The following TPRA1 variants were observed in gnomAD, a reference collection of about 807,000 sequenced individuals.
TPRA1 encodes transmembrane protein adipocyte-associated 1.
In TPRA1, 28 loss-of-function variants were observed where a neutral mutation model predicts 40.1. The observed-to-expected ratio is 0.70, with a 90% CI of 0.52 to 0.96. The LOEUF is 0.96. TPRA1 is among the 40% of genes least tolerant of loss of function. TPRA1 has a pLI of 0.00. For missense variants in TPRA1, 441 were observed against 482.6 expected (o/e 0.91, Z 0.81); for synonymous variants, 219 against 209.7 (o/e 1.04, Z -0.38).
intron 3 of TPRA1, 119 bp from the exon 4 acceptor site, chr3:127,577,195 G>T: frequency 9.7e-7 from 1 of 1,027,472 alleles, no homozygotes; most frequent in South Asian, 1.4e-5. Context: ...AAAGGAGGAA[G>T]GCGCAAAGTC....
Position 127,575,383 on chromosome 3 carries a change from A to T in TPRA1, c.773+20T>A, listed in dbSNP as rs1369019770. ...CTTCCCATGCCCCCACGAGGCAGACACCCTGCGGCCCCCACGCACCAGAGC... is the reference window on the plus strand; with the variant it reads ...CTTCCCATGCCCCCACGAGGCAGACTCCCTGCGGCCCCCACGCACCAGAGC... On this transcript the variant is annotated intron_variant, in intron 9 of 10. Transcript: ENST00000355552. The T allele has an allele frequency of 2.5e-6, 4 of 1,571,364 alleles. No individual in the cohort carries two copies. The Admixed American group carries it at 7.6e-5, about 30-fold the overall frequency.
intron 10 of TPRA1, 22 bp downstream of exon 10, chr3:127,575,143 CCGCCGGCAGCCACGCGGGGG>C (rs759616868): frequency 4.7e-5 from 76 of 1,601,110 alleles, no homozygotes; most frequent in Middle Eastern, 1.7e-4. Context: ...AGGCGCAGTT[CCGCCGGCAGCCACGCGGGGG>C]CGCCGGCGGC....
At chr3:127,593,762 C>T (rs60212923), upstream of TPRA1, among the ~76,000 whole-genome samples, 132 of 152,306 alleles carry the variant, frequency 8.7e-4, no homozygotes, top group African/African-American at 3.1e-3. Flanking sequence ...CAAGTGGTAG[C>T]CCTGACCACA....
At position 127,576,840 on chromosome 3, in the gene TPRA1, G is replaced by T; in HGVS notation, c.399C>A (p.Ile133=). 5.0e-6 allele frequency: 8 copies of T among 1,613,886 alleles called. No individual in the cohort carries two copies. The highest frequency in any genetic ancestry group is 6.8e-6 in the Non-Finnish European group (8 of 1,180,026). ...ACACACCAAAGGCCAGGCCCAGGATGATCACACTCAGCTCGATGGCCAGCA... is the reference window on the plus strand; with the variant it reads ...ACACACCAAAGGCCAGGCCCAGGATTATCACACTCAGCTCGATGGCCAGCA... The part of the protein sequence containing the change: ...FFLLAIELSV[I]ILGLAFGHLE... Residue 133 remains isoleucine (I), a synonymous_variant, in exon 5 of 11, where the codon ATC becomes ATA. Transcript: ENST00000355552. The surrounding 1 kb of genome is among the most constrained non-coding windows in gnomAD (Gnocchi z 4.6).
At chr3:127,579,003 G>A (rs1265835873) in intron 3 of TPRA1, among the ~76,000 whole-genome samples, 1 of 149,746 alleles carries the variant, frequency 6.7e-6, no homozygotes, top group Non-Finnish European at 1.5e-5. Flanking sequence ...CACACCCGAA[G>A]CCCACACCTG....
Position 127,580,013 on chromosome 3 carries a change from C to A in TPRA1, c.125+9G>T. ...TCAGCGAGCCTGCCCAGCGTTGTGA[C>A]TGCCTCACCTGGAGGTGCCAATGTC... On this transcript the variant is annotated intron_variant, in intron 2 of 10. Coordinates refer to ENST00000355552, the MANE Select transcript of TPRA1 (RefSeq NM_001136053.4). 6.2e-7 allele frequency: 1 copy of A among 1,613,336 alleles called. No homozygotes were observed. The highest frequency in any genetic ancestry group is 8.5e-7 in the Non-Finnish European group (1 of 1,180,004).
rs1163649259 is a variant in TPRA1, at chr3:127,573,585, A to C, written c.1058T>G (p.Met353Arg). Reference sequence around the variant, plus strand: ...GTTGATGCTGCCAGTGTGGCAGGGCATGGAAGCGATGTCATCCAGGTAGGC... The same window carrying C: ...GTTGATGCTGCCAGTGTGGCAGGGCCTGGAAGCGATGTCATCCAGGTAGGC... Reference protein sequence around the residue: ...GVAYLDDIASMPCHTGSINST... With the variant: ...GVAYLDDIASRPCHTGSINST... The change falls in exon 11 of 11, where the codon ATG (methionine) becomes AGG (arginine). Residue 353 changes from methionine (M) to arginine (R), a missense_variant. Transcript: ENST00000355552. 1 of 1,613,020 alleles carries C rather than the reference A, an allele frequency of 6.2e-7. No homozygotes were observed. The highest frequency in any genetic ancestry group is 8.5e-7 in the Non-Finnish European group (1 of 1,180,004).
intron 1 of TPRA1, among the ~76,000 whole-genome samples, chr3:127,586,851 G>A (rs1285118671): frequency 6.6e-6 from 1 of 152,208 alleles, no homozygotes; most frequent in East Asian, 1.9e-4. Context: ...GGGAGGAACA[G>A]GGGCAGGGAG....
chr3:127,587,211 T>C (rs1436228505), intron 1 of TPRA1: 2 of 152,168 alleles, frequency 1.3e-5, no homozygotes, highest in Non-Finnish European at 2.9e-5. Context: ...CACTCTCTGC[T>C]GAGCTCAGTA....
At chr3:127,591,309 C>G (rs2074165424), upstream of TPRA1, among the ~76,000 whole-genome samples, 1 of 152,236 alleles carries the variant, frequency 6.6e-6, no homozygotes, top group Non-Finnish European at 1.5e-5. Context: ...CTTAGCAACC[C>G]TGCTAGGCAG....
intron 1 of TPRA1, among the ~76,000 whole-genome samples, chr3:127,584,418 C>T (rs1304186252): frequency 8.5e-6 from 1 of 118,144 alleles, no homozygotes; most frequent in Non-Finnish European, 1.6e-5. Flanking sequence ...CACTGCACTC[C>T]AGGCTGGGCC....
intron 1 of TPRA1, among the ~76,000 whole-genome samples, chr3:127,580,675 T>A (rs1211914833): frequency 6.6e-6 from 1 of 152,250 alleles, no homozygotes; most frequent in Non-Finnish European, 1.5e-5. Context: ...TGCCACACCA[T>A]GCAGAACTCA....
intron 10 of TPRA1, chr3:127,574,895 T>C: frequency 2.1e-6 from 1 of 482,862 alleles, no homozygotes; most frequent in Non-Finnish European, 3.8e-6. Context: ...TGTGTGCATA[T>C]GCCCGTGTGT....
In TPRA1 at chr3:127,575,202, G is replaced by A; in HGVS notation, c.837C>T (p.Phe279=). 1 of 1,614,006 alleles carries A rather than the reference G, an allele frequency of 6.2e-7. No homozygotes were observed. The highest frequency in any genetic ancestry group is 8.5e-7 in the Non-Finnish European group (1 of 1,179,996). The stretch of plus-strand genomic sequence containing the variant: ...AGACTCACCCGAAGAAGCCCCGGAG[G>A]AAAGCCACGTAGATGAGCGGAGCGA... ...SFFAPLIYVA[F]LRGFFGSEPK... is the part of the protein sequence containing the mutation. The change falls in exon 10 of 11, where the codon TTC becomes TTT. Residue 279 remains phenylalanine, a synonymous_variant. Coordinates refer to ENST00000355552, the MANE Select transcript of TPRA1 (RefSeq NM_001136053.4).
In TPRA1 at chr3:127,573,155, G is replaced by A. The variant is rs2073427637; in HGVS notation, c.*366C>T. ...CCACCATGGTGGATGCTTTGAGGAG[G>A]CCAAAGCACCATGGGGATGGGATGG... On this transcript the variant is annotated 3_prime_UTR_variant, in exon 11 of 11. Coordinates refer to ENST00000355552, the MANE Select transcript of TPRA1 (RefSeq NM_001136053.4). 1 of 207,006 alleles carries A rather than the reference G, an allele frequency of 4.8e-6. No individual in the cohort carries two copies. The highest frequency in any genetic ancestry group is 9.7e-6 in the Non-Finnish European group (1 of 103,214). 12.8% of individuals were successfully genotyped at this position (207,006 alleles called of 1,614,324 possible).
At chr3:127,579,692 G>C (rs1321787882) in intron 3 of TPRA1, 48 bp downstream of exon 3, 2 of 1,597,188 alleles carry the variant, frequency 1.3e-6, no homozygotes, top group South Asian at 2.2e-5. Context: ...TTCCCTTTTT[G>C]TTTAACCCAG....
chr3:127,582,701 CAAA>C (rs1404690468), intron 1 of TPRA1, among the ~76,000 whole-genome samples: 9 of 76,164 alleles, frequency 1.2e-4, no homozygotes, highest in Non-Finnish European at 1.4e-4. Flanking sequence ...GACTCTGTCT[CAAA>C]AAAAAAAAAA....
intron 3 of TPRA1, 59 bp downstream of exon 3, chr3:127,579,681 A>C (rs2073760871): frequency 1.3e-6 from 2 of 1,580,146 alleles, no homozygotes; most frequent in Non-Finnish European, 1.7e-6. Context: ...GAAGCAGTTA[A>C]TTCCCTTTTT....
rs1193557289 is a variant in TPRA1, at chr3:127,573,444, T to G, written c.*77A>C. The stretch of plus-strand genomic sequence containing the variant: ...ACTGCCCACAGAACGTCCCTTGACC[T>G]GGTCCTCCTCCCCTGGGGACTCTGG... On this transcript the variant is annotated 3_prime_UTR_variant, in exon 11 of 11. Coordinates refer to ENST00000355552, the MANE Select transcript of TPRA1 (RefSeq NM_001136053.4). 8 of 1,518,690 alleles carry G rather than the reference T, an allele frequency of 5.3e-6. No individual in the cohort carries two copies. The East Asian group carries it at 1.4e-4, about 26-fold the overall frequency. 94.1% of individuals were successfully genotyped at this position (1,518,690 alleles called of 1,614,324 possible).
Sources: allele counts gnomAD v4.1 joint callset (sites outside exome capture counted in the v4.1 genomes callset), GRCh38; gene constraint gnomAD v4.1.1; non-coding constraint Gnocchi (gnomAD v3.1); transcripts MANE v1.5; gene names NCBI Gene and HGNC (gene_info 2026-07-23, HGNC 2026-07-21).